PLD1: variants seen among roughly 807,000 people sequenced by gnomAD.
PLD1 encodes the protein choline phosphatase 1.
A neutral mutation model predicts 137.1 loss-of-function variants in PLD1; 112 were observed. The ratio of observed to expected loss-of-function variants is 0.82; its 90% confidence interval spans 0.70 to 0.96. The LOEUF (loss-of-function observed/expected upper bound fraction) is 0.96, where lower values mean the gene tolerates loss of function less well. Ranked by LOEUF, PLD1 falls within the 40% of genes least tolerant of loss-of-function variation. The pLI, the probability that PLD1 is intolerant of heterozygous loss-of-function variation, is 0.00. For synonymous variants in PLD1, 431 were observed against 454.7 expected (o/e 0.95, Z 0.66); for missense variants, 1,321 against 1,342.0 (o/e 0.98, Z 0.24).
intron 1 of PLD1, among the ~76,000 whole-genome samples, chr3:171,748,053 AT>A (rs750086386): frequency 1.3e-4 from 20 of 152,230 alleles, no homozygotes; most frequent in Non-Finnish European, 2.4e-4. Flanking sequence ...AAAACAACAT[AT>A]TCTAAGTGAC....
In PLD1 at chr3:171,612,583, C is replaced by G. The variant is rs1300580738; in HGVS notation, c.2729-151G>C. The G allele has an allele frequency of 1.5e-6, 1 of 665,912 alleles. No homozygotes were observed. Among genetic ancestry groups the G allele is most frequent in the Non-Finnish European group, 2.6e-6 (1 of 380,542 alleles). The allele number at this position is 665,912 out of a possible 1,614,324, so 41.3% of individuals were successfully genotyped here. ...TGTTTTTAGGGAGGTGGGGCCCTCC[C>G]TAACCCAGGGGTGAATCTTAATCAG... On this transcript the variant is annotated intron_variant, in intron 24 of 26. Transcript: ENST00000351298. This position sits in a 1 kb window ranked among gnomAD's most constrained non-coding sequence, Gnocchi z 4.1.
chr3:171,675,962 C>G (rs1713308799), intron 18 of PLD1, among the ~76,000 whole-genome samples: 1 of 151,746 alleles, frequency 6.6e-6, no homozygotes, highest in Admixed American at 6.6e-5. Context: ...CCTGCCTCAG[C>G]CTCCAGAGCA....
chr3:171,771,352 T>C (rs1722341350), intron 1 of PLD1: 1 of 152,334 alleles, frequency 6.6e-6, no homozygotes, highest in African/African-American at 2.4e-5. Flanking sequence ...CCAAGCCCAG[T>C]TTTGGCTGAC....
At chr3:171,631,867 T>C (rs1052171713) in intron 23 of PLD1, among the ~76,000 whole-genome samples, 6 of 152,054 alleles carry the variant, frequency 3.9e-5, no homozygotes, top group African/African-American at 1.2e-4. Context: ...TAGAAAAAAA[T>C]GATGGAATCA....
intron 6 of PLD1, among the ~76,000 whole-genome samples, chr3:171,731,886 A>C (rs1718976277): frequency 6.6e-6 from 1 of 152,228 alleles, no homozygotes; most frequent in East Asian, 1.9e-4. Context: ...TAAATACAAC[A>C]TGGCCTAACT....
chr3:171,712,932 C>T (rs1717387007), intron 9 of PLD1, among the ~76,000 whole-genome samples: 2 of 152,164 alleles, frequency 1.3e-5, no homozygotes, highest in African/African-American at 4.8e-5. Flanking sequence ...CACACACATA[C>T]ACACACAAAC....
intron 1 of PLD1, chr3:171,792,609 G>A (rs1369052570): frequency 4.4e-6 from 2 of 456,690 alleles, no homozygotes; most frequent in Non-Finnish European, 8.8e-6. Flanking sequence ...GGCTGATGGA[G>A]CAAGTAGCTG....
intron 1 of PLD1, among the ~76,000 whole-genome samples, chr3:171,801,672 A>G (rs1170861836): frequency 6.6e-6 from 1 of 152,092 alleles, no homozygotes; most frequent in Admixed American, 6.6e-5. Context: ...CAAGTGATCT[A>G]CCTGCCTCAG....
intron 1 of PLD1, among the ~76,000 whole-genome samples, chr3:171,796,970 T>C (rs1723461455): frequency 6.6e-6 from 1 of 152,198 alleles, no homozygotes; most frequent in South Asian, 2.1e-4. Flanking sequence ...TTCTTAAGCA[T>C]AGCTCTGATC....
intron 21 of PLD1, among the ~76,000 whole-genome samples, chr3:171,648,413 T>C (rs186098642): frequency 6.6e-6 from 1 of 152,342 alleles, no homozygotes; most frequent in African/African-American, 2.4e-5. Flanking sequence ...TCCATGTTCT[T>C]TTAGAAATAG....
intron 19 of PLD1, among the ~76,000 whole-genome samples, chr3:171,669,578 T>C (rs1043270137): frequency 2.0e-5 from 3 of 152,210 alleles, no homozygotes; most frequent in Admixed American, 1.3e-4. Context: ...ATTTTTGTAT[T>C]TTTAGTAGGA....
chr3:171,655,752 G>A (rs1737136564), intron 21 of PLD1, among the ~76,000 whole-genome samples: 2 of 152,172 alleles, frequency 1.3e-5, no homozygotes, highest in African/African-American at 4.8e-5. Context: ...AACATAGGGA[G>A]ATTAACAAGA....
chr3:171,705,471 G>C (rs533703397), intron 11 of PLD1, among the ~76,000 whole-genome samples: 14 of 152,246 alleles, frequency 9.2e-5, no homozygotes, highest in African/African-American at 3.4e-4. Context: ...ATGGAGGCCA[G>C]AATGAAATGG....
chr3:171,749,147 A>C (rs1482332741), intron 1 of PLD1, among the ~76,000 whole-genome samples: 1 of 152,232 alleles, frequency 6.6e-6, no homozygotes, highest in African/African-American at 2.4e-5. Context: ...CAGTGGCAGC[A>C]GCAACAAAAA....
chr3:171,622,884 T>C (rs1236998437), intron 23 of PLD1, among the ~76,000 whole-genome samples: 1 of 151,766 alleles, frequency 6.6e-6, no homozygotes, highest in African/African-American at 2.4e-5. Flanking sequence ...ATAGCCTTTA[T>C]ATACACAAAA....
intron 23 of PLD1, among the ~76,000 whole-genome samples, chr3:171,636,054 A>C (rs1735105586): frequency 7.8e-6 from 1 of 128,686 alleles, no homozygotes; most frequent in African/African-American, 3.0e-5. Context: ...TTCTTTCTCC[A>C]TTGAATTGTT....
intron 24 of PLD1, among the ~76,000 whole-genome samples, chr3:171,616,161 G>A (rs1733093657): frequency 6.6e-6 from 1 of 152,036 alleles, no homozygotes; most frequent in Admixed American, 6.6e-5. Context: ...TTTTTCTTTG[G>A]ACATTTGTTT....
At chr3:171,632,268 C>T (rs1028970030) in intron 23 of PLD1, among the ~76,000 whole-genome samples, 2 of 152,072 alleles carry the variant, frequency 1.3e-5, no homozygotes, top group African/African-American at 2.4e-5. Context: ...GCTCTGCCAC[C>T]CCCCAAAATC....
intron 1 of PLD1, among the ~76,000 whole-genome samples, chr3:171,760,275 T>G (rs1304244039): frequency 6.6e-6 from 1 of 152,238 alleles, no homozygotes; most frequent in Non-Finnish European, 1.5e-5. Flanking sequence ...TTTTCCTTAA[T>G]GCCTTCAATT....
Sources: gnomAD v4.1 joint callset for allele counts (sites outside exome capture counted in the v4.1 genomes callset) on GRCh38, gnomAD v4.1.1 for gene constraint, Gnocchi (gnomAD v3.1) non-coding constraint, MANE v1.5 for transcripts, NCBI Gene and HGNC (gene_info 2026-07-23, HGNC 2026-07-21) for gene names.